MYO16: variants seen among roughly 807,000 people sequenced by gnomAD.
MYO16 encodes myosin XVI.
In MYO16, 94 loss-of-function variants were observed where a neutral mutation model predicts 205.3. The observed-to-expected ratio is 0.46, with a 90% CI of 0.39 to 0.54. The LOEUF (loss-of-function observed/expected upper bound fraction) is 0.54, where lower values mean the gene tolerates loss of function less well. Ranked by LOEUF, MYO16 falls within the 20% of genes least tolerant of loss-of-function variation. MYO16 has a pLI of 0.00. For missense variants in MYO16, 2,315 were observed against 2,387.5 expected (o/e 0.97, Z 0.63); for synonymous variants, 988 against 954.0 (o/e 1.04, Z -0.66).
chr13:109,020,322 A>G (rs1321331892), intron 23 of MYO16, among the ~76,000 whole-genome samples: 1 of 152,086 alleles, frequency 6.6e-6, no homozygotes, highest in Non-Finnish European at 1.5e-5. Flanking sequence ...AAAGAAAGCC[A>G]CTCTCTCATA....
chr13:109,136,336 G>T (rs928748772), intron 31 of MYO16, among the ~76,000 whole-genome samples: 1 of 152,068 alleles, frequency 6.6e-6, no homozygotes, highest in Non-Finnish European at 1.5e-5. Context: ...CTTGTGATCT[G>T]CCCGCCTCGG....
At chr13:108,873,296 A>G (rs1349863702) in intron 12 of MYO16, among the ~76,000 whole-genome samples, 5 of 152,352 alleles carry the variant, frequency 3.3e-5, no homozygotes, top group Admixed American at 6.5e-5. Context: ...TCTCCATTTC[A>G]TATTTAAAAA....
chr13:109,037,319 C>T (rs990991199), intron 23 of MYO16, among the ~76,000 whole-genome samples: 2 of 152,182 alleles, frequency 1.3e-5, no homozygotes, highest in African/African-American at 2.4e-5. Flanking sequence ...CGTATAGATG[C>T]TGATGAGTTT....
At position 108,783,963 on chromosome 13, in the gene MYO16, A is replaced by C. The variant is rs551237860; in HGVS notation, c.508-1672A>C. On this transcript the variant is annotated intron_variant, in intron 4 of 34. Transcript: ENST00000457511. ...AGCGCCTGTACAGTGTCAGCAGGCA[A>C]CCATATGTTCTACAGACAATAGTGA... 1.3e-4 allele frequency among the ~76,000 whole-genome samples: 20 copies of C among 152,324 alleles called. No homozygotes were observed. In the East Asian group the frequency reaches 2.7e-3, roughly 21 times the overall value.
chr13:108,888,557 T>C, intron 14 of MYO16, 80 bp downstream of exon 14: 4 of 930,140 alleles, frequency 4.3e-6, no homozygotes, highest in African/African-American at 1.7e-5. Flanking sequence ...GGAGGGGACA[T>C]CATAATAGAT....
At chr13:108,961,518 C>T (rs1883580147) in intron 17 of MYO16, 21 bp from the exon 18 acceptor site, 2 of 1,582,406 alleles carry the variant, frequency 1.3e-6, no homozygotes, top group Non-Finnish European at 1.7e-6. Flanking sequence ...TATTCATTCT[C>T]TCTGTTTGTA....
the MYO16 span, among the ~76,000 whole-genome samples, chr13:108,496,665 A>G: frequency 6.6e-6 from 1 of 152,184 alleles, no homozygotes; most frequent in Non-Finnish European, 1.5e-5. Flanking sequence ...AATGGAGACG[A>G]TTTCCGTCAA....
At chr13:108,845,598 A>G (rs944473234) in intron 10 of MYO16, among the ~76,000 whole-genome samples, 14 of 152,154 alleles carry the variant, frequency 9.2e-5, no homozygotes, top group Non-Finnish European at 1.5e-5. Context: ...TCACTTCCTT[A>G]TAGGCTCTAT....
At chr13:108,592,076 G>A (rs1183052526), upstream of MYO16, among the ~76,000 whole-genome samples, 5 of 140,154 alleles carry the variant, frequency 3.6e-5, no homozygotes, top group Non-Finnish European at 7.8e-5. Context: ...TGTGTGGGGG[G>A]TGGGGGTGGA....
intron 25 of MYO16, 76 bp downstream of exon 25, chr13:109,052,551 A>AG: frequency 8.6e-7 from 1 of 1,166,518 alleles, no homozygotes; most frequent in Non-Finnish European, 1.2e-6. Context: ...TTTAAAAAAA[A>AG]GCACAATTTT....
rs973169269 is a variant in MYO16, at chr13:109,140,204, C to T, written c.4052-60C>T. On this transcript the variant is annotated intron_variant, in intron 31 of 34. Coordinates refer to ENST00000457511, the MANE Select transcript of MYO16 (RefSeq NM_001198950.3). This position sits in a 1 kb window ranked among gnomAD's most constrained non-coding sequence, Gnocchi z 8.0. ...GGCTCCCTCCGAGTCGAGCCCCGGGCTTGGTGGGCACCCGTGGGCCTGGCC... is the reference window on the plus strand; with the variant it reads ...GGCTCCCTCCGAGTCGAGCCCCGGGTTTGGTGGGCACCCGTGGGCCTGGCC... 125 of 1,578,206 alleles carry T rather than the reference C, an allele frequency of 7.9e-5. No individual in the cohort carries two copies. Among genetic ancestry groups the T allele is most frequent in the Non-Finnish European group, 9.6e-5 (112 of 1,170,440 alleles).
intron 1 of MYO16, 139 bp from the exon 2 acceptor site, chr13:108,665,747 A>T: frequency 1.1e-6 from 1 of 870,626 alleles, no homozygotes; most frequent in Non-Finnish European, 1.6e-6. Context: ...AGGGCTTTGG[A>T]TTTGCAATAT....
At chr13:108,693,261 A>C (rs1401390780) in intron 2 of MYO16, among the ~76,000 whole-genome samples, 1 of 152,180 alleles carries the variant, frequency 6.6e-6, no homozygotes, top group Non-Finnish European at 1.5e-5. Context: ...CATTTTGACC[A>C]TTTTGAAGTG....
At chr13:108,538,023 T>C in the MYO16 span, among the ~76,000 whole-genome samples, 1 of 152,116 alleles carries the variant, frequency 6.6e-6, no homozygotes, top group South Asian at 2.1e-4. Flanking sequence ...TTTAAGCCCA[T>C]TTGTCTATTT....
chr13:108,882,836 C>G (rs1287129395), intron 12 of MYO16, among the ~76,000 whole-genome samples: 1 of 152,120 alleles, frequency 6.6e-6, no homozygotes, highest in Non-Finnish European at 1.5e-5. Flanking sequence ...GCCTGTGGAC[C>G]AAGTAATGAA....
intron 29 of MYO16, among the ~76,000 whole-genome samples, chr13:109,121,754 C>T (rs949865624): frequency 6.6e-6 from 1 of 152,198 alleles, no homozygotes; most frequent in African/African-American, 2.4e-5. Context: ...AGCCACATAC[C>T]AAGATCTCTG....
chr13:108,588,245 G>A, the MYO16 span, among the ~76,000 whole-genome samples: 8 of 152,182 alleles, frequency 5.3e-5, no homozygotes, highest in Admixed American at 2.0e-4. Context: ...AACTATATCT[G>A]TATGTCACAA....
At chr13:109,167,594 T>C (rs1231413958) in intron 33 of MYO16, among the ~76,000 whole-genome samples, 2 of 152,134 alleles carry the variant, frequency 1.3e-5, no homozygotes, top group Non-Finnish European at 2.9e-5. Context: ...AATCTCACTG[T>C]CTCTAAATTA....
At chr13:108,507,402 C>T in the MYO16 span, among the ~76,000 whole-genome samples, 2 of 151,938 alleles carry the variant, frequency 1.3e-5, no homozygotes, top group Admixed American at 1.3e-4. Context: ...AATATTCTTG[C>T]TTGCTAGGTT....
Sources: gnomAD v4.1 joint callset for allele counts (sites outside exome capture counted in the v4.1 genomes callset) on GRCh38, gnomAD v4.1.1 for gene constraint, Gnocchi (gnomAD v3.1) non-coding constraint, MANE v1.5 for transcripts, NCBI Gene and HGNC (gene_info 2026-07-23, HGNC 2026-07-21) for gene names.